The following PALD1 variants were observed in gnomAD, a reference collection of about 807,000 sequenced individuals.
PALD1 encodes paladin.
A neutral mutation model predicts 96.0 loss-of-function variants in PALD1; 57 were observed. That is an observed-to-expected ratio of 0.59 (90% CI 0.48 to 0.74). PALD1 has a LOEUF of 0.74. Ranked by LOEUF, PALD1 falls within the 30% of genes least tolerant of loss-of-function variation. PALD1 has a pLI of 0.00. For missense variants in PALD1, 1,063 were observed against 1,143.7 expected (o/e 0.93, Z 1.02); for synonymous variants, 464 against 473.6 (o/e 0.98, Z 0.26).
the PALD1 span, among the ~76,000 whole-genome samples, chr10:70,466,676 C>A: frequency 6.6e-6 from 1 of 152,166 alleles, no homozygotes; most frequent in Admixed American, 6.5e-5. Flanking sequence ...AAACAATCAC[C>A]GAGGCTTTTA....
intron 18 of PALD1, among the ~76,000 whole-genome samples, chr10:70,551,356 G>T (rs1392842903): frequency 6.6e-6 from 1 of 152,190 alleles, no homozygotes; most frequent in African/African-American, 2.4e-5. Context: ...TCAGAGCCGG[G>T]TGCTGTCCAT....
intron 1 of PALD1, among the ~76,000 whole-genome samples, chr10:70,482,045 G>T (rs372748992): frequency 3.3e-5 from 5 of 152,152 alleles, no homozygotes; most frequent in African/African-American, 1.2e-4. Context: ...TTGATGTGGC[G>T]GTGGGGGCCT....
intron 12 of PALD1, 111 bp from the exon 13 acceptor site, chr10:70,538,781 C>T: frequency 1.1e-6 from 1 of 883,300 alleles, no homozygotes; most frequent in South Asian, 1.4e-5. Flanking sequence ...GCTTTGTAAA[C>T]TGTGAAGCTC....
At chr10:70,468,188 T>G in the PALD1 span, among the ~76,000 whole-genome samples, 1 of 152,124 alleles carries the variant, frequency 6.6e-6, no homozygotes, top group Non-Finnish European at 1.5e-5. Flanking sequence ...GCCCCTGGGC[T>G]TCCCTCTGTC....
chr10:70,521,437 A>G (rs1322804627), intron 1 of PALD1, among the ~76,000 whole-genome samples: 1 of 152,170 alleles, frequency 6.6e-6, no homozygotes, highest in Non-Finnish European at 1.5e-5. Context: ...CCAGCGCTTC[A>G]TGAGGGCTTT....
At chr10:70,553,094 C>CT (rs1847514470) in intron 18 of PALD1, among the ~76,000 whole-genome samples, 1 of 152,110 alleles carries the variant, frequency 6.6e-6, no homozygotes, top group Admixed American at 6.6e-5. Context: ...GCTGGAAGAT[C>CT]CTGTCGTCTC....
chr10:70,497,365 C>T (rs991050415), intron 1 of PALD1, among the ~76,000 whole-genome samples: 11 of 152,284 alleles, frequency 7.2e-5, no homozygotes, highest in East Asian at 3.9e-4. Flanking sequence ...TGTCTGGGGC[C>T]GGCGCATGCC....
At chr10:70,483,800 C>T (rs1163289606) in intron 1 of PALD1, among the ~76,000 whole-genome samples, 2 of 152,190 alleles carry the variant, frequency 1.3e-5, no homozygotes, top group African/African-American at 4.8e-5. Context: ...GGAGTTAACC[C>T]CTTTCCTGCT....
chr10:70,525,774 G>T (rs1246286833), intron 1 of PALD1, 149 bp from the exon 2 acceptor site: 6 of 637,574 alleles, frequency 9.4e-6, no homozygotes, highest in Non-Finnish European at 1.7e-5. Context: ...GATCTTCTGG[G>T]CCCCACGGTG....
At chr10:70,555,776 C>T (rs184147468) in intron 18 of PALD1, among the ~76,000 whole-genome samples, 29 of 152,208 alleles carry the variant, frequency 1.9e-4, no homozygotes, top group African/African-American at 6.0e-4. Context: ...CTGAGGCGGG[C>T]GGATCACTAG....
Position 70,541,242 on chromosome 10 carries a change from A to G in PALD1, c.2049A>G (p.Gln683=), listed in dbSNP as rs751816564. The change falls in exon 16 of 20, where the codon CAA becomes CAG. Residue 683 remains glutamine, a splice_region_variant and synonymous_variant. Transcript: ENST00000263563. ...VVAVLAFWHI[Q]GFPEVGEEEL... ...CTGTCCTGGCCTTCTGGCACATCCAAGTACGTGTGGCCTCTCAAGTGAGAT... is the reference window on the plus strand; with the variant it reads ...CTGTCCTGGCCTTCTGGCACATCCAGGTACGTGTGGCCTCTCAAGTGAGAT... 1.2e-6 allele frequency: 2 copies of G among 1,603,534 alleles called. No homozygotes were observed. The highest frequency in any genetic ancestry group is 1.7e-6 in the Non-Finnish European group (2 of 1,174,992).
chr10:70,542,925 C>T (rs146997943), intron 17 of PALD1, among the ~76,000 whole-genome samples: 25 of 152,080 alleles, frequency 1.6e-4, no homozygotes, highest in African/African-American at 4.6e-4. Flanking sequence ...ACATCCTCAC[C>T]AACACTTGAT....
chr10:70,463,827 G>A, the PALD1 span, among the ~76,000 whole-genome samples: 2 of 152,166 alleles, frequency 1.3e-5, no homozygotes, highest in African/African-American at 4.8e-5. Flanking sequence ...CTAATTGGAA[G>A]AAAGGAAGAT....
At chr10:70,521,977 G>A (rs188440922) in intron 1 of PALD1, among the ~76,000 whole-genome samples, 18 of 152,200 alleles carry the variant, frequency 1.2e-4, no homozygotes, top group Non-Finnish European at 1.9e-4. Context: ...AACACATTGC[G>A]TTTAAATAAT....
intron 1 of PALD1, among the ~76,000 whole-genome samples, chr10:70,496,945 A>G (rs1846204710): frequency 6.6e-6 from 1 of 152,148 alleles, no homozygotes; most frequent in Admixed American, 6.5e-5. Flanking sequence ...TCCCACTCCC[A>G]GCTGCAGCCT....
At chr10:70,498,490 G>A (rs941322666) in intron 1 of PALD1, among the ~76,000 whole-genome samples, 2 of 151,696 alleles carry the variant, frequency 1.3e-5, no homozygotes, top group African/African-American at 2.4e-5. Flanking sequence ...GTGTTGCCCA[G>A]GCTGGTATCA....
intron 18 of PALD1, among the ~76,000 whole-genome samples, chr10:70,561,591 C>T (rs1028180362): frequency 5.3e-5 from 8 of 152,274 alleles, no homozygotes; most frequent in African/African-American, 1.7e-4. Flanking sequence ...CTGCCCCCAG[C>T]GGCCCCAGCA....
chr10:70,473,465 C>T, the PALD1 span, among the ~76,000 whole-genome samples: 1 of 152,172 alleles, frequency 6.6e-6, no homozygotes, highest in Non-Finnish European at 1.5e-5. Context: ...ACTCTCTCCC[C>T]GACAGCCCTG....
At position 70,561,629 on chromosome 10, in the gene PALD1, G is replaced by A. The variant is rs115201707; in HGVS notation, c.2263-2735G>A. On this transcript the variant is annotated intron_variant, in intron 18 of 19. Transcript: ENST00000263563. ...TCTGTGGCAGCCATGGGCCATTCCC[G>A]CCCTCAAATCCCCAGAAACCCTCAC... Among the ~76,000 whole-genome samples the A allele has an allele frequency of 7.7e-3, 1,169 of 152,170 alleles. 8 individuals are homozygous for A. The highest frequency in any genetic ancestry group is 0.027 in the African/African-American group (1,103 of 41,508).
Sources: allele counts gnomAD v4.1 joint callset (sites outside exome capture counted in the v4.1 genomes callset), GRCh38; gene constraint gnomAD v4.1.1; transcripts MANE v1.5; gene names NCBI Gene and HGNC (gene_info 2026-07-23, HGNC 2026-07-21).